Variants in INSYN2A observed in about 807,000 individuals in gnomAD.
INSYN2A encodes the protein family with sequence similarity 196 member A.
In INSYN2A, 17 loss-of-function variants were observed where a neutral mutation model predicts 39.4. The ratio of observed to expected loss-of-function variants is 0.43; its 90% confidence interval spans 0.30 to 0.65. The LOEUF (loss-of-function observed/expected upper bound fraction) is 0.65, where lower values mean the gene tolerates loss of function less well. Among genes scored for constraint, INSYN2A ranks in the 30% least tolerant of loss-of-function variants. INSYN2A has a pLI of 0.14. For missense variants in INSYN2A, 595 were observed against 631.2 expected (o/e 0.94, Z 0.61); for synonymous variants, 255 against 265.7 (o/e 0.96, Z 0.39).
chr10:127,175,991 G>C lies in INSYN2A; in HGVS notation c.405C>G (p.Pro135=). The C allele has an allele frequency of 6.2e-7, 1 of 1,614,190 alleles. No individual in the cohort carries two copies. The highest frequency in any genetic ancestry group is 1.1e-5 in the South Asian group (1 of 91,080). The change falls in exon 4 of 6, where the codon CCC becomes CCG. Residue 135 remains proline, a synonymous_variant. Coordinates refer to ENST00000522781, the MANE Select transcript of INSYN2A (RefSeq NM_001039762.3). The surrounding 1 kb of genome is among the most constrained non-coding windows in gnomAD (Gnocchi z 6.3). Reference sequence around the variant, plus strand: ...GAAACCCATTGTTTTGGCTTTTAAAGGGATCTGCAGCTGGGAGGCTTTTGA... The same window carrying C: ...GAAACCCATTGTTTTGGCTTTTAAACGGATCTGCAGCTGGGAGGCTTTTGA... ...GNLKSLPAAD[P]FKSQNNGFLT...
intron 4 of INSYN2A, among the ~76,000 whole-genome samples, chr10:127,168,962 C>T (rs1308022494): frequency 1.3e-5 from 2 of 152,110 alleles, no homozygotes; most frequent in African/African-American, 2.4e-5. Context: ...ATTTCTTATC[C>T]CCTGACAGGT....
At chr10:127,161,901 G>A (rs1267829967) in intron 4 of INSYN2A, among the ~76,000 whole-genome samples, 4 of 152,178 alleles carry the variant, frequency 2.6e-5, no homozygotes, top group African/African-American at 9.7e-5. Flanking sequence ...CAGATCTATG[G>A]GGGTTGGATT....
At chr10:127,172,923 G>T (rs941563583) in intron 4 of INSYN2A, among the ~76,000 whole-genome samples, 1 of 152,208 alleles carries the variant, frequency 6.6e-6, no homozygotes, top group Non-Finnish European at 1.5e-5. Flanking sequence ...CATTTGAAAT[G>T]TGACTGCTGT....
chr10:127,173,242 C>T (rs1431790542), intron 4 of INSYN2A, among the ~76,000 whole-genome samples: 2 of 151,944 alleles, frequency 1.3e-5, no homozygotes, highest in African/African-American at 4.8e-5. Flanking sequence ...CATTCCATCC[C>T]CTGTCTGCAG....
At chr10:127,187,164 G>T (rs958168386) in intron 2 of INSYN2A, among the ~76,000 whole-genome samples, 26 of 152,206 alleles carry the variant, frequency 1.7e-4, no homozygotes, top group African/African-American at 6.3e-4. Flanking sequence ...AACACATTAA[G>T]TGTTAAACTC....
intron 5 of INSYN2A, among the ~76,000 whole-genome samples, chr10:127,138,571 T>A (rs2050912475): frequency 6.6e-6 from 1 of 152,170 alleles, no homozygotes; most frequent in Non-Finnish European, 1.5e-5. Flanking sequence ...AGGGCCATAG[T>A]GCCCAACGCT....
chr10:127,183,169 A>T (rs2055901517), intron 2 of INSYN2A, among the ~76,000 whole-genome samples: 1 of 150,618 alleles, frequency 6.6e-6, no homozygotes, highest in South Asian at 2.1e-4. Flanking sequence ...CCCCCCTAAA[A>T]ATGACTTATA....
chr10:127,139,810 C>T (rs140260886), intron 5 of INSYN2A, among the ~76,000 whole-genome samples: 7 of 152,242 alleles, frequency 4.6e-5, no homozygotes, highest in African/African-American at 7.2e-5. Context: ...ACAATCTCTC[C>T]CCACTGAAAA....
At chr10:127,159,411 C>A (rs778973254) in intron 4 of INSYN2A, among the ~76,000 whole-genome samples, 20 of 152,242 alleles carry the variant, frequency 1.3e-4, no homozygotes, top group Middle Eastern at 6.8e-3. Flanking sequence ...GGCTCTAATT[C>A]TTCAGTTGTT....
chr10:127,158,035 G>A (rs1450270504), intron 4 of INSYN2A, among the ~76,000 whole-genome samples: 3 of 152,152 alleles, frequency 2.0e-5, no homozygotes, highest in Admixed American at 2.0e-4. Context: ...CCATCTAATT[G>A]TCCTTGAAGC....
intron 2 of INSYN2A, among the ~76,000 whole-genome samples, chr10:127,184,110 A>G (rs2055993049): frequency 6.6e-6 from 1 of 152,128 alleles, no homozygotes; most frequent in Non-Finnish European, 1.5e-5. Flanking sequence ...CCTGAGACCC[A>G]AGGGTGGCCT....
chr10:127,186,803 AAGAG>A (rs1434271374), intron 2 of INSYN2A, among the ~76,000 whole-genome samples: 3 of 151,970 alleles, frequency 2.0e-5, no homozygotes, highest in Admixed American at 6.6e-5. Context: ...GGGATGTATA[AAGAG>A]AGAGAGGTTG....
intron 4 of INSYN2A, among the ~76,000 whole-genome samples, chr10:127,163,799 C>CTT (rs531750560): frequency 9.0e-4 from 116 of 129,194 alleles, no homozygotes; most frequent in African/African-American, 2.4e-3. Flanking sequence ...TAAAGCCTTC[C>CTT]TTTTTTTTTT....
rs1199548072 is a variant in INSYN2A at position 127,196,202 on chromosome 10, CCCGGCCCTGCTGGCCCGG to C, written c.-618_-601del. ...TGCCCGCCCCCTCCACCGCTGCCGG[CCCGGCCCTGCTGGCCCGG>C]CCGGCCCCCGCGCCGCAGCTCGCGT... On this transcript the variant is annotated 5_prime_UTR_variant, in exon 1 of 6. Transcript: ENST00000522781. 1.3e-5 allele frequency: 2 copies of C among 149,778 alleles called. No individual in the cohort carries two copies. The highest frequency in any genetic ancestry group is 3.0e-5 in the Non-Finnish European group (2 of 67,340). The allele number at this position is 149,778 out of a possible 1,614,324, so 9.3% of individuals were successfully genotyped here.
intron 4 of INSYN2A, among the ~76,000 whole-genome samples, chr10:127,155,640 C>A (rs1038049581): frequency 3.9e-5 from 6 of 152,156 alleles, no homozygotes; most frequent in Non-Finnish European, 7.4e-5. Context: ...TCATGGCAAG[C>A]CCCAAGAATG....
rs2050646748 is a variant in INSYN2A at position 127,135,865 on chromosome 10, T to C, written c.*1972A>G. The C allele has an allele frequency of 6.6e-6, 1 of 152,664 alleles. No homozygotes were observed. Among genetic ancestry groups the C allele is most frequent in the East Asian group, 1.9e-4 (1 of 5,200 alleles). The allele number at this position is 152,664 out of a possible 1,614,324, so 9.5% of individuals were successfully genotyped here. A position where few individuals can be genotyped will look rare whatever the true frequency, so the allele number is the denominator to read the frequency against. The stretch of plus-strand genomic sequence containing the variant: ...CCCTTATTTCAATTTACTGAGATAG[T>C]TGGGATTCTTAAAACATAAGGAGAG... On this transcript the variant is annotated 3_prime_UTR_variant, in exon 6 of 6. Transcript: ENST00000522781.
At chr10:127,190,301 GGAAGCCGTCTTCCTCTTTACTGCCTT>G (rs2056626205) in intron 2 of INSYN2A, among the ~76,000 whole-genome samples, 1 of 152,124 alleles carries the variant, frequency 6.6e-6, no homozygotes, top group Non-Finnish European at 1.5e-5. Flanking sequence ...GTTCAGCCCT[GGAAGCCGTCTTCCTCTTTACTGCCTT>G]CTCACGGTGT....
intron 4 of INSYN2A, among the ~76,000 whole-genome samples, chr10:127,171,590 A>G (rs1254485890): frequency 6.6e-6 from 1 of 152,180 alleles, no homozygotes; most frequent in Non-Finnish European, 1.5e-5. Flanking sequence ...AAGCCCCTGT[A>G]TGCTTTATTG....
intron 5 of INSYN2A, among the ~76,000 whole-genome samples, chr10:127,138,889 C>A (rs2050954943): frequency 6.6e-6 from 1 of 152,214 alleles, no homozygotes; most frequent in Non-Finnish European, 1.5e-5. Flanking sequence ...TTGAAAAGGA[C>A]CACATTTGAT....
Sources: allele counts gnomAD v4.1 joint callset (sites outside exome capture counted in the v4.1 genomes callset), GRCh38; gene constraint gnomAD v4.1.1; non-coding constraint Gnocchi (gnomAD v3.1); transcripts MANE v1.5; gene names NCBI Gene and HGNC (gene_info 2026-07-23, HGNC 2026-07-21).